Variants in PCDH12 observed in about 807,000 individuals in gnomAD.
The protein encoded by PCDH12 is protocadherin-12.
Under a neutral mutation model 70.9 loss-of-function variants are expected in PCDH12, and 45 were observed. That is an observed-to-expected ratio of 0.63 (90% confidence interval 0.50 to 0.81). The LOEUF (loss-of-function observed/expected upper bound fraction) is 0.81, where lower values mean the gene tolerates loss of function less well. Ranked by LOEUF, PCDH12 falls within the 40% of genes least tolerant of loss-of-function variation. PCDH12 has a pLI of 0.00. For synonymous variants in PCDH12, 567 were observed against 626.0 expected (o/e 0.91, Z 1.41); for missense variants, 1,370 against 1,491.7 (o/e 0.92, Z 1.34).
chr5:141,945,642 C>T lies in PCDH12; in HGVS notation c.3294G>A (p.Leu1098=), dbSNP rs756240773. ...QTFGKAEAPE[L]SPTGTRLAST... ...TGGCCAGCCTCGTGCCTGTTGGGCT[C>T]AGCTCTGGTGCCTCTGCCTTGCCGA... Residue 1098 remains leucine (L), a synonymous_variant, in exon 4 of 4, where the codon CTG becomes CTA. Coordinates refer to ENST00000231484, the MANE Select transcript of PCDH12 (RefSeq NM_016580.4). The T allele has an allele frequency of 1.7e-5, 28 of 1,614,228 alleles. No individual in the cohort carries two copies. In the South Asian group the frequency reaches 3.1e-4, roughly 18 times the overall value.
Position 141,955,041 on chromosome 5 carries a change from C to G in PCDH12, c.2811G>C (p.Arg937=). ...GCTCGGCGAAGGCAGCCACAGACAG[C>G]CGGACCAGGCTCCGCAGGATCTGAC... is the stretch of plus-strand genomic sequence containing the variant. ...GPRQILRSLV[R]LSVAAFAERN... is the part of the protein sequence containing the mutation. The change falls in exon 1 of 4, where the codon CGG becomes CGC. Residue 937 remains arginine (R), a synonymous_variant. Coordinates refer to ENST00000231484, the MANE Select transcript of PCDH12 (RefSeq NM_016580.4). The surrounding 1 kb of genome is among the most constrained non-coding windows in gnomAD (Gnocchi z 5.5). The G allele has an allele frequency of 6.2e-7, 1 of 1,614,234 alleles. No homozygotes were observed. Among genetic ancestry groups the G allele is most frequent in the Non-Finnish European group, 8.5e-7 (1 of 1,180,040 alleles).
In PCDH12 at chr5:141,957,693, C is replaced by G. The variant is rs372623269; in HGVS notation, c.159G>C (p.Leu53=). The change falls in exon 1 of 4, where the codon CTG becomes CTC. Residue 53 remains leucine, a synonymous_variant. Transcript: ENST00000231484. This position sits in a 1 kb window ranked among gnomAD's most constrained non-coding sequence, Gnocchi z 4.3. ...CTTGCCTCCGCCTCTCCTCCCGGCC[C>G]AGTTCCTGGGACAGCTTCCCGATCA... ...GTVIGKLSQE[L]GREERRRQAG... 6.2e-7 allele frequency: 1 copy of G among 1,614,190 alleles called. No individual in the cohort carries two copies. The highest frequency in any genetic ancestry group is 1.7e-5 in the Admixed American group (1 of 60,036).
In PCDH12 at chr5:141,957,011, A is replaced by C; in HGVS notation, c.841T>G (p.Phe281Val). 1.2e-6 allele frequency: 2 copies of C among 1,613,708 alleles called. No homozygotes were observed. The highest frequency in any genetic ancestry group is 1.7e-6 in the Non-Finnish European group (2 of 1,179,918). ...PDQGPNGEVEFFLSKHMPPEV... is the reference protein window; with the variant it reads ...PDQGPNGEVEVFLSKHMPPEV... Reference sequence around the variant, plus strand: ...GGAGGCATGTGCTTACTGAGGAAGAACTCCACCTCCCCATTGGGGCCTTGG... The same window carrying C: ...GGAGGCATGTGCTTACTGAGGAAGACCTCCACCTCCCCATTGGGGCCTTGG... Residue 281 changes from phenylalanine to valine, a missense_variant, in exon 1 of 4, where the codon TTC becomes GTC. Physicochemically the swap from Phe to Val is conservative, Grantham distance 50. Transcript: ENST00000231484. The surrounding 1 kb of genome is among the most constrained non-coding windows in gnomAD (Gnocchi z 4.3).
rs1752843779 is a variant in PCDH12 at position 141,944,096 on chromosome 5, A to C, written c.*1285T>G. The C allele has an allele frequency of 1.3e-5, 2 of 152,214 alleles. No individual in the cohort carries two copies. Among genetic ancestry groups the C allele is most frequent in the Non-Finnish European group, 1.5e-5 (1 of 68,056 alleles). 9.4% of individuals were successfully genotyped at this position (152,214 alleles called of 1,614,324 possible). A position where few individuals can be genotyped will look rare whatever the true frequency, so the allele number is the denominator to read the frequency against. ...GATTGGCTGCTCGGAAATTTCCAAGAAAATTATAAAGCTGAACCTTGGGAA... is the reference window on the plus strand; with the variant it reads ...GATTGGCTGCTCGGAAATTTCCAAGCAAATTATAAAGCTGAACCTTGGGAA... On this transcript the variant is annotated 3_prime_UTR_variant, in exon 4 of 4. Coordinates refer to ENST00000231484, the MANE Select transcript of PCDH12 (RefSeq NM_016580.4).
chr5:141,946,938 A>G (rs1752950230), intron 3 of PCDH12, among the ~76,000 whole-genome samples: 1 of 151,796 alleles, frequency 6.6e-6, no homozygotes, highest in Non-Finnish European at 1.5e-5. Flanking sequence ...TCTACTTAAC[A>G]TTTATCTAAT....
Position 141,945,090 on chromosome 5 carries a change from G to C in PCDH12, c.*291C>G. Reference sequence around the variant, plus strand: ...CTGCCTGTGATACTCCGTGGCATCTGTTCTGCCAGAGGACTGACCCTTTGT... The same window carrying C: ...CTGCCTGTGATACTCCGTGGCATCTCTTCTGCCAGAGGACTGACCCTTTGT... On this transcript the variant is annotated 3_prime_UTR_variant, in exon 4 of 4. Transcript: ENST00000231484. 2.4e-6 allele frequency: 1 copy of C among 419,060 alleles called. No homozygotes were observed. Among genetic ancestry groups the C allele is most frequent in the Non-Finnish European group, 4.3e-6 (1 of 234,404 alleles). The allele number at this position is 419,060 out of a possible 1,614,324, so 26.0% of individuals were successfully genotyped here.
chr5:141,946,829 G>A (rs1752944967), intron 3 of PCDH12, among the ~76,000 whole-genome samples: 1 of 151,882 alleles, frequency 6.6e-6, no homozygotes, highest in East Asian at 1.9e-4. Flanking sequence ...CCAGTCCCAG[G>A]CCTGATGGTA....
In PCDH12 at chr5:141,943,795, A is replaced by G. The variant is rs1752832986; in HGVS notation, c.*1586T>C. On this transcript the variant is annotated 3_prime_UTR_variant, in exon 4 of 4. Transcript: ENST00000231484. The stretch of plus-strand genomic sequence containing the variant: ...TGAAAATCACAGATTCTGTAAGGAG[A>G]TCACTCTGGCCTAGAGTGAGGTGAG... 1 of 152,114 alleles carries G rather than the reference A, an allele frequency of 6.6e-6. No homozygotes were observed. Among genetic ancestry groups the G allele is most frequent in the Non-Finnish European group, 1.5e-5 (1 of 68,038 alleles). The allele number at this position is 152,114 out of a possible 1,614,324, so 9.4% of individuals were successfully genotyped here. A position where few individuals can be genotyped will look rare whatever the true frequency, so the allele number is the denominator to read the frequency against.
At chr5:141,952,231 C>T (rs61543751) in intron 1 of PCDH12, among the ~76,000 whole-genome samples, 2,801 of 152,094 alleles carry the variant, frequency 0.018, 86 homozygotes, top group African/African-American at 0.065. Context: ...ATCAGGGCAG[C>T]GAAGAGTGTT....
chr5:141,951,334 C>T (rs1274699513), intron 2 of PCDH12, among the ~76,000 whole-genome samples, 159 bp downstream of exon 2: 1 of 152,172 alleles, frequency 6.6e-6, no homozygotes, highest in Non-Finnish European at 1.5e-5. Context: ...CACCTCACGA[C>T]CAAAACTCCC....
Position 141,945,781 on chromosome 5 carries a change from G to T in PCDH12, c.3155C>A (p.Ala1052Asp). 3 of 1,613,226 alleles carry T rather than the reference G, an allele frequency of 1.9e-6. No homozygotes were observed. Among genetic ancestry groups the T allele is most frequent in the Non-Finnish European group, 2.5e-6 (3 of 1,179,804 alleles). The change falls in exon 4 of 4, where the codon GCC (alanine) becomes GAC (aspartate). Residue 1052 changes from alanine to aspartate, a missense_variant. Ala to Asp is a moderately radical substitution (Grantham distance 126). Transcript: ENST00000231484. ...STGLALDRLS[A>D]PDPAWMARLS... is the part of the protein sequence containing the mutation. ...TCTCGCCATCCAGGCCGGGTCAGGG[G>T]CGCTCAGCCGGTCCAGGGCCAGACC...
intron 3 of PCDH12, among the ~76,000 whole-genome samples, chr5:141,947,384 C>A (rs570477769): frequency 6.6e-6 from 1 of 152,300 alleles, no homozygotes; most frequent in African/African-American, 2.4e-5. Flanking sequence ...AGAATCAGGC[C>A]TTTCCTTTTA....
chr5:141,952,004 C>A (rs902744757), intron 1 of PCDH12, among the ~76,000 whole-genome samples: 1 of 152,212 alleles, frequency 6.6e-6, no homozygotes, highest in Non-Finnish European at 1.5e-5. Context: ...TTTTTGTTGA[C>A]CAGATGTAAG....
rs1752844898 is a variant in PCDH12, at chr5:141,944,148, A to G, written c.*1233T>C. 1 of 152,122 alleles carries G rather than the reference A, an allele frequency of 6.6e-6. No individual in the cohort carries two copies. Among genetic ancestry groups the G allele is most frequent in the Non-Finnish European group, 1.5e-5 (1 of 68,048 alleles). 9.4% of individuals were successfully genotyped at this position (152,122 alleles called of 1,614,324 possible). ...ATATCTGCTGTTTCTTCCCTCCCCC[A>G]TCCCCTGGAAGGCTGGCTGCTGTCA... is the stretch of plus-strand genomic sequence containing the variant. On this transcript the variant is annotated 3_prime_UTR_variant, in exon 4 of 4. Transcript: ENST00000231484.
intron 3 of PCDH12, among the ~76,000 whole-genome samples, chr5:141,946,706 C>T (rs776160245): frequency 1.3e-5 from 2 of 152,156 alleles, no homozygotes; most frequent in African/African-American, 2.4e-5. Flanking sequence ...GGGGTAGTGG[C>T]GGTGGCAAGT....
In PCDH12 at chr5:141,949,519, C is replaced by T. The variant is rs779606801; in HGVS notation, c.3043G>A (p.Glu1015Lys). The T allele has an allele frequency of 1.9e-6, 3 of 1,614,216 alleles. No homozygotes were observed. Among genetic ancestry groups the T allele is most frequent in the South Asian group, 2.2e-5 (2 of 91,084 alleles). Residue 1015 changes from glutamate to lysine, a missense_variant, in exon 3 of 4, where the codon GAG (glutamate) becomes AAG (lysine). Transcript: ENST00000231484. ...TCTTCAGGATCCAAAGGCCCTTCCT[C>T]CTGTTCTGGGTCTGTCTGGCCTCCA... ...RAGGQTDPEQ[E>K]EGPLDPEEDL...
At chr5:141,954,877 A>G (rs1317137624) in intron 1 of PCDH12, 95 bp downstream of exon 1, 3 of 1,459,336 alleles carry the variant, frequency 2.1e-6, no homozygotes, top group Non-Finnish European at 2.8e-6. Context: ...AGCCTAAGGA[A>G]GAAACATGAG....
In PCDH12 at chr5:141,944,466, G is replaced by A. The variant is rs1378594763; in HGVS notation, c.*915C>T. On this transcript the variant is annotated 3_prime_UTR_variant, in exon 4 of 4. Transcript: ENST00000231484. ...CACTGCTGCCAACAGCTCACCTCCAGGGCCTTCCCTTCTCCTGTCTTTGGT... is the reference window on the plus strand; with the variant it reads ...CACTGCTGCCAACAGCTCACCTCCAAGGCCTTCCCTTCTCCTGTCTTTGGT... 3.9e-5 allele frequency: 6 copies of A among 152,220 alleles called. No homozygotes were observed. The East Asian group carries it at 1.2e-3, about 29-fold the overall frequency. 9.4% of individuals were successfully genotyped at this position (152,220 alleles called of 1,614,324 possible).
intron 3 of PCDH12, among the ~76,000 whole-genome samples, chr5:141,946,784 C>G (rs1417019279): frequency 6.6e-6 from 1 of 152,128 alleles, no homozygotes; most frequent in African/African-American, 2.4e-5. Context: ...CCCTTCTTTT[C>G]CCATCCCTTT....
Sources: allele counts gnomAD v4.1 joint callset (sites outside exome capture counted in the v4.1 genomes callset), GRCh38; gene constraint gnomAD v4.1.1; non-coding constraint Gnocchi (gnomAD v3.1); transcripts MANE v1.5; gene names NCBI Gene and HGNC (gene_info 2026-07-23, HGNC 2026-07-21).